CUX1: variants seen among roughly 807,000 people sequenced by gnomAD.
CUX1 encodes the protein protein CASP.
A neutral mutation model predicts 158.8 loss-of-function variants in CUX1; 31 were observed. The observed-to-expected ratio is 0.20, with a 90% CI of 0.15 to 0.26. The LOEUF (loss-of-function observed/expected upper bound fraction) is 0.26. Ranked by LOEUF, CUX1 falls within the 10% of genes least tolerant of loss-of-function variation. The pLI is 1.00. For synonymous variants in CUX1, 879 were observed against 862.1 expected (o/e 1.02, Z -0.34); for missense variants, 1,589 against 2,014.6 (o/e 0.79, Z 4.04).
chr7:102,081,558 C>T lies in CUX1; in HGVS notation c.268+11141C>T, dbSNP rs540484452. 7.5e-5 allele frequency among the ~76,000 whole-genome samples: 11 copies of T among 147,394 alleles called. 1 individual carries two copies. Among genetic ancestry groups the T allele is most frequent in the African/African-American group, 2.2e-4 (9 of 41,246 alleles). On this transcript the variant is annotated intron_variant, in intron 4 of 23. Coordinates refer to ENST00000292535, the MANE Select transcript of CUX1 (RefSeq NM_181552.4). The stretch of plus-strand genomic sequence containing the variant: ...CCTTCACCTTCCGCCACAACTGTTT[C>T]CTGAGGCCTCCCCAGCCATGTGGAA...
chr7:102,025,497 G>C (rs561805943), intron 2 of CUX1, among the ~76,000 whole-genome samples: 3 of 152,068 alleles, frequency 2.0e-5, no homozygotes, highest in Non-Finnish European at 4.4e-5. Flanking sequence ...GTGTGGTGGC[G>C]CATGCCTGTG....
rs113671300 is a variant in CUX1, at chr7:102,238,614, G to A, written c.3623-706G>A. On this transcript the variant is annotated intron_variant, in intron 22 of 23. Transcript: ENST00000292535. ...TTATACTAGAACAGCTTGTGTCCTC[G>A]GTCTCTTGCCTCGGTACCTGGGTGG... Among the ~76,000 whole-genome samples the A allele has an allele frequency of 4.4e-3, 666 of 152,042 alleles. 6 individuals are homozygous for A. The highest frequency in any genetic ancestry group is 7.4e-3 in the Non-Finnish European group (503 of 67,982).
rs1801289221 is a variant in CUX1 at position 102,249,752 on chromosome 7, C to T, written c.*710C>T. 3.2e-6 allele frequency: 3 copies of T among 948,880 alleles called. No individual in the cohort carries two copies. The highest frequency in any genetic ancestry group is 3.8e-6 in the Non-Finnish European group (3 of 797,412). 58.8% of individuals were successfully genotyped at this position (948,880 alleles called of 1,614,324 possible). ...CTGTTCAGTTGCCACTAAGAGATTG[C>T]ACAGTCAAAACGACTCTAAACACAC... On this transcript the variant is annotated 3_prime_UTR_variant, in exon 24 of 24. Coordinates refer to ENST00000292535, the MANE Select transcript of CUX1 (RefSeq NM_181552.4).
chr7:102,095,356 C>T (rs1188068992), intron 4 of CUX1, among the ~76,000 whole-genome samples: 5 of 152,046 alleles, frequency 3.3e-5, no homozygotes, highest in Non-Finnish European at 7.4e-5. Flanking sequence ...TATTTTGATG[C>T]TGATTAAAAT....
At chr7:102,118,885 G>A (rs1831721724) in intron 8 of CUX1, among the ~76,000 whole-genome samples, 1 of 152,188 alleles carries the variant, frequency 6.6e-6, no homozygotes, top group South Asian at 2.1e-4. Flanking sequence ...CCAAGTAGCT[G>A]GGATTACAGG....
intron 2 of CUX1, among the ~76,000 whole-genome samples, chr7:101,952,487 G>A (rs1809196843): frequency 6.6e-6 from 1 of 152,216 alleles, no homozygotes; most frequent in African/African-American, 2.4e-5. Flanking sequence ...AGCTCTCCTG[G>A]TTAAGGCCTG....
chr7:102,198,893 T>G, intron 16 of CUX1, 26 bp downstream of exon 16: 1 of 1,606,206 alleles, frequency 6.2e-7, no homozygotes, highest in South Asian at 1.1e-5. Context: ...GCGTTTTCTT[T>G]GCAGTCAGTC....
intron 8 of CUX1, among the ~76,000 whole-genome samples, chr7:102,142,570 A>C (rs1554500680): frequency 6.6e-6 from 1 of 151,962 alleles, no homozygotes; most frequent in African/African-American, 2.4e-5. Flanking sequence ...GGCTGCAGTG[A>C]GCCATGATAG....
At chr7:102,154,231 A>G (rs1836001612) in intron 8 of CUX1, 3 of 152,242 alleles carry the variant, frequency 2.0e-5, no homozygotes. Flanking sequence ...CTAAAAAGAT[A>G]TAGATGTAGA....
intron 8 of CUX1, among the ~76,000 whole-genome samples, chr7:102,152,979 G>GTAAC (rs1835862096): frequency 2.0e-5 from 3 of 152,354 alleles, no homozygotes; most frequent in Admixed American, 6.5e-5. Context: ...CAGTTGCTTA[G>GTAAC]TAACCAAAGC....
At chr7:102,007,537 A>G (rs984042909) in intron 2 of CUX1, among the ~76,000 whole-genome samples, 18 of 151,558 alleles carry the variant, frequency 1.2e-4, no homozygotes, top group Non-Finnish European at 2.1e-4. Flanking sequence ...CTTCACCACC[A>G]GATCAGTTCC....
intron 12 of CUX1, among the ~76,000 whole-genome samples, chr7:102,191,243 T>G (rs1794241693): frequency 6.6e-6 from 1 of 152,118 alleles, no homozygotes; most frequent in South Asian, 2.1e-4. Flanking sequence ...GCTTACTTAT[T>G]TATTTATTTG....
intron 11 of CUX1, among the ~76,000 whole-genome samples, chr7:102,183,633 G>A (rs1245595570): frequency 1.3e-5 from 2 of 152,164 alleles, no homozygotes; most frequent in Non-Finnish European, 2.9e-5. Context: ...CAGAGATGCA[G>A]TGTCAGCTAA....
In CUX1 at chr7:102,170,315, C is replaced by G. The variant is rs575025600; in HGVS notation, c.724-131C>G. The G allele has an allele frequency of 1.1e-5, 7 of 637,916 alleles. No individual in the cohort carries two copies. In the South Asian group the frequency reaches 1.6e-4, roughly 15 times the overall value. The allele number at this position is 637,916 out of a possible 1,614,324, so 39.5% of individuals were successfully genotyped here. ...TCACATTCTGTGTTTTTTTTCCTAG[C>G]ATTTATTAGGTTGAGTGTTTAGGAA... On this transcript the variant is annotated intron_variant, in intron 9 of 23. Transcript: ENST00000292535.
chr7:102,052,505 G>T (rs1192177196), intron 3 of CUX1, among the ~76,000 whole-genome samples: 2 of 152,110 alleles, frequency 1.3e-5, no homozygotes, highest in Admixed American at 6.5e-5. Context: ...CCATTGTATG[G>T]ATGTCCCATG....
chr7:102,161,567 G>A (rs1251764181), intron 9 of CUX1, among the ~76,000 whole-genome samples: 1 of 152,060 alleles, frequency 6.6e-6, no homozygotes, highest in Non-Finnish European at 1.5e-5. Context: ...TCTGCTCATT[G>A]GCAGCAAGGA....
chr7:102,203,100 G>T (rs1364057149), intron 18 of CUX1, among the ~76,000 whole-genome samples: 1 of 152,124 alleles, frequency 6.6e-6, no homozygotes, highest in East Asian at 1.9e-4. Context: ...CTGAGTAGCT[G>T]GGATTACGAG....
intron 16 of CUX1, chr7:102,275,169 TGG>T: frequency 9.7e-7 from 1 of 1,031,780 alleles, no homozygotes; most frequent in Non-Finnish European, 1.4e-6. Flanking sequence ...CCCCCAGGGC[TGG>T]GGGACCCACC....
chr7:101,910,387 C>T (rs1200060515), intron 1 of CUX1, among the ~76,000 whole-genome samples: 1 of 152,102 alleles, frequency 6.6e-6, no homozygotes, highest in Non-Finnish European at 1.5e-5. Flanking sequence ...CTCAAGCGAT[C>T]TGCCTGCCTA....
Sources: gnomAD v4.1 joint callset for allele counts (sites outside exome capture counted in the v4.1 genomes callset) on GRCh38, gnomAD v4.1.1 for gene constraint, MANE v1.5 for transcripts, NCBI Gene and HGNC (gene_info 2026-07-23, HGNC 2026-07-21) for gene names.